The following SCFD2 variants were observed in gnomAD, a reference collection of about 807,000 sequenced individuals.
SCFD2 encodes sec1 family domain containing 2.
In SCFD2, 54 loss-of-function variants were observed where a neutral mutation model predicts 58.9. The observed-to-expected ratio is 0.92, with a 90% CI of 0.74 to 1.15. SCFD2 has a LOEUF of 1.15. Among genes scored for constraint, SCFD2 ranks in the 50% most tolerant of loss-of-function variants. The probability of loss-of-function intolerance (pLI) is 0.00; values close to 1 mark genes in which losing one functional copy is unlikely to be tolerated. For missense variants in SCFD2, 805 were observed against 836.6 expected, an observed-to-expected ratio of 0.96 and a Z score of 0.47; for synonymous variants, 321 against 335.9, an observed-to-expected ratio of 0.96 and a Z score of 0.49.
At chr4:53,293,955 C>T (rs898223091) in intron 3 of SCFD2, among the ~76,000 whole-genome samples, 14 of 151,432 alleles carry the variant, frequency 9.2e-5, no homozygotes, top group East Asian at 1.9e-4. Flanking sequence ...TGTTCAACTC[C>T]GACTTATGAC....
At chr4:53,190,902 C>T (rs1389939282) in intron 4 of SCFD2, among the ~76,000 whole-genome samples, 1 of 151,340 alleles carries the variant, frequency 6.6e-6, no homozygotes, top group African/African-American at 2.5e-5. Context: ...TATTTAAAAC[C>T]ATAATCACTA....
chr4:53,112,666 A>G lies in SCFD2; in HGVS notation c.1561+32667T>C, dbSNP rs772300286. On this transcript the variant is annotated intron_variant, in intron 5 of 8. Transcript: ENST00000401642. The stretch of plus-strand genomic sequence containing the variant: ...GTTTGAATCACTGGTTTGCCACTCA[A>G]TAGCTGAGCTCTATTATTTCTCCAA... 3.4e-4 allele frequency among the ~76,000 whole-genome samples: 52 copies of G among 152,236 alleles called. No individual in the cohort carries two copies. In the Middle Eastern group the frequency reaches 0.01, roughly 30 times the overall value.
chr4:52,919,644 C>T (rs1353048188), intron 6 of SCFD2, among the ~76,000 whole-genome samples: 1 of 152,224 alleles, frequency 6.6e-6, no homozygotes, highest in African/African-American at 2.4e-5. Context: ...CCCTGGCCAT[C>T]TGCATGCCTG....
At chr4:53,077,446 A>T (rs1209081265) in intron 5 of SCFD2, among the ~76,000 whole-genome samples, 1 of 151,750 alleles carries the variant, frequency 6.6e-6, no homozygotes, top group Non-Finnish European at 1.5e-5. Flanking sequence ...TTTTTTATTT[A>T]TTATTTTTTG....
chr4:53,346,646 T>C (rs1180366369), intron 2 of SCFD2, among the ~76,000 whole-genome samples: 1 of 152,198 alleles, frequency 6.6e-6, no homozygotes, highest in Non-Finnish European at 1.5e-5. Flanking sequence ...TAGTACATCT[T>C]AAAAGTGTCA....
chr4:53,298,246 C>G (rs369816468), intron 3 of SCFD2, among the ~76,000 whole-genome samples: 1 of 152,170 alleles, frequency 6.6e-6, no homozygotes, highest in Admixed American at 6.5e-5. Context: ...CACTCCCACC[C>G]TAATACTGTG....
chr4:53,297,698 T>C (rs1577943098), intron 3 of SCFD2, among the ~76,000 whole-genome samples: 1 of 152,338 alleles, frequency 6.6e-6, no homozygotes, highest in East Asian at 1.9e-4. Flanking sequence ...CCTGCCATTA[T>C]GATGCTAGCT....
chr4:53,020,777 T>A (rs1026084162), intron 5 of SCFD2, among the ~76,000 whole-genome samples: 11 of 152,144 alleles, frequency 7.2e-5, no homozygotes, highest in African/African-American at 2.4e-4. Context: ...CCATATATAG[T>A]CCTAGGAACC....
chr4:53,146,591 C>T (rs1482080384), intron 4 of SCFD2, among the ~76,000 whole-genome samples: 1 of 152,124 alleles, frequency 6.6e-6, no homozygotes, highest in African/African-American at 2.4e-5. Flanking sequence ...AAATTCCCTG[C>T]TTTCATAGAG....
At chr4:53,130,722 TC>T (rs751797697) in intron 5 of SCFD2, among the ~76,000 whole-genome samples, 47 of 152,292 alleles carry the variant, frequency 3.1e-4, no homozygotes, top group Non-Finnish European at 2.4e-4. Context: ...GAAAAAACCC[TC>T]TTTTTTCGTG....
intron 4 of SCFD2, among the ~76,000 whole-genome samples, chr4:53,177,416 A>G (rs1727373494): frequency 7.2e-6 from 1 of 138,158 alleles, no homozygotes; most frequent in South Asian, 2.6e-4. Flanking sequence ...AGGAGAAGGG[A>G]GAGGGTATTA....
chr4:53,206,018 T>C (rs968908271), intron 4 of SCFD2, among the ~76,000 whole-genome samples: 1 of 152,202 alleles, frequency 6.6e-6, no homozygotes, highest in East Asian at 1.9e-4. Flanking sequence ...TTATCAGTAC[T>C]AATTATTATT....
chr4:52,970,592 C>G (rs903362666), intron 5 of SCFD2, among the ~76,000 whole-genome samples: 1 of 152,228 alleles, frequency 6.6e-6, no homozygotes, highest in East Asian at 1.9e-4. Context: ...CCCCTGGGGG[C>G]AGGGAGTAGC....
chr4:52,922,630 GT>G (rs1365030814), intron 5 of SCFD2, among the ~76,000 whole-genome samples: 1 of 152,180 alleles, frequency 6.6e-6, no homozygotes, highest in Non-Finnish European at 1.5e-5. Flanking sequence ...CATTTGGGTT[GT>G]TTTTGCCTTT....
chr4:52,971,372 A>C (rs1721096655), intron 5 of SCFD2, among the ~76,000 whole-genome samples: 1 of 152,256 alleles, frequency 6.6e-6, no homozygotes, highest in Non-Finnish European at 1.5e-5. Flanking sequence ...TGACGAATGC[A>C]CAAGCCTCGT....
chr4:53,340,569 C>T (rs1045723017), intron 2 of SCFD2, among the ~76,000 whole-genome samples: 4 of 152,214 alleles, frequency 2.6e-5, no homozygotes, highest in African/African-American at 9.6e-5. Flanking sequence ...GCGAAAACTT[C>T]TGCAGACTTA....
intron 3 of SCFD2, among the ~76,000 whole-genome samples, chr4:53,307,397 C>T (rs1301077118): frequency 2.6e-5 from 4 of 152,178 alleles, no homozygotes; most frequent in Non-Finnish European, 4.4e-5. Context: ...GCTCTGTAGA[C>T]ACTACCTCCC....
At chr4:53,144,550 T>A (rs1194694914) in intron 5 of SCFD2, among the ~76,000 whole-genome samples, 2 of 147,768 alleles carry the variant, frequency 1.4e-5, no homozygotes, top group Non-Finnish European at 3.0e-5. Flanking sequence ...TTATATATAA[T>A]ATATATATAA....
chr4:52,992,490 C>A (rs561214565), intron 5 of SCFD2, among the ~76,000 whole-genome samples: 1 of 151,988 alleles, frequency 6.6e-6, no homozygotes, highest in East Asian at 1.9e-4. Context: ...GGCCGCCCAT[C>A]GTCTGGGATG....
Sources: allele counts gnomAD v4.1 joint callset (sites outside exome capture counted in the v4.1 genomes callset), GRCh38; gene constraint gnomAD v4.1.1; transcripts MANE v1.5; gene names NCBI Gene and HGNC (gene_info 2026-07-23, HGNC 2026-07-21).